The following FER variants were observed in gnomAD, a reference collection of about 807,000 sequenced individuals.
FER encodes the protein FER tyrosine kinase, also known as tyrosine-protein kinase Fer.
In FER, 63 loss-of-function variants were observed where a neutral mutation model predicts 111.0. That is an observed-to-expected ratio of 0.57 (90% CI 0.46 to 0.70). The LOEUF is 0.70. FER is among the 30% of genes least tolerant of loss of function. The pLI, the probability that FER is intolerant of heterozygous loss-of-function variation, is 0.00. For missense variants in FER, 914 were observed against 954.0 expected (o/e 0.96, Z 0.55); for synonymous variants, 327 against 313.9 (o/e 1.04, Z -0.44).
intron 17 of FER, among the ~76,000 whole-genome samples, chr5:109,125,186 A>T (rs1751554036): frequency 6.6e-6 from 1 of 151,928 alleles, no homozygotes; most frequent in African/African-American, 2.4e-5. Flanking sequence ...ATTTAGAATT[A>T]TTATCTGTTT....
chr5:109,040,592 A>G (rs1771027995), intron 14 of FER, among the ~76,000 whole-genome samples: 1 of 152,104 alleles, frequency 6.6e-6, no homozygotes, highest in African/African-American at 2.4e-5. Context: ...GCCAGTTTGG[A>G]ATGGATTTGA....
intron 16 of FER, among the ~76,000 whole-genome samples, chr5:109,061,419 GTTA>G (rs1270482429): frequency 2.6e-5 from 4 of 152,084 alleles, no homozygotes; most frequent in Non-Finnish European, 4.4e-5. Context: ...TCTACTAGAA[GTTA>G]TTATTTCCAT....
intron 16 of FER, among the ~76,000 whole-genome samples, chr5:109,050,280 A>G (rs1772597721): frequency 6.7e-6 from 1 of 150,296 alleles, no homozygotes; most frequent in Admixed American, 6.6e-5. Context: ...ATTTTAGGAG[A>G]AAAAAAAAAG....
chr5:108,911,172 G>A (rs1016520322), intron 10 of FER, among the ~76,000 whole-genome samples: 8 of 152,048 alleles, frequency 5.3e-5, no homozygotes, highest in Non-Finnish European at 1.2e-4. Flanking sequence ...TCTGACTGAC[G>A]TAAAATGATA....
At chr5:108,914,229 CTCTGTGTGTGTG>C (rs1751947205) in intron 10 of FER, among the ~76,000 whole-genome samples, 1 of 137,832 alleles carries the variant, frequency 7.3e-6, no homozygotes, top group Non-Finnish European at 1.6e-5. Context: ...TAACTTGTCT[CTCTGTGTGTGTG>C]TGTGTGTGTG....
intron 13 of FER, among the ~76,000 whole-genome samples, chr5:108,987,933 T>A (rs1762757341): frequency 6.6e-6 from 1 of 151,020 alleles, no homozygotes; most frequent in East Asian, 1.9e-4. Flanking sequence ...TGTGGGTTTG[T>A]CATAGATGGC....
At chr5:108,930,782 T>C (rs1754554019) in intron 10 of FER, among the ~76,000 whole-genome samples, 1 of 150,172 alleles carries the variant, frequency 6.7e-6, no homozygotes, top group African/African-American at 2.5e-5. Context: ...CTCTACTGAT[T>C]TTTGTATTTT....
At chr5:109,179,606 C>T (rs1582413358) in intron 17 of FER, among the ~76,000 whole-genome samples, 1 of 152,126 alleles carries the variant, frequency 6.6e-6, no homozygotes, top group Non-Finnish European at 1.5e-5. Context: ...GTGGATTCAA[C>T]CATCCAGAGA....
At chr5:109,147,044 G>A (rs10066375) in intron 17 of FER, among the ~76,000 whole-genome samples, 61,309 of 151,586 alleles carry the variant, frequency 0.4, 12,660 homozygotes, top group African/African-American at 0.45. Flanking sequence ...TCCATTCATA[G>A]AGATTATAAA....
intron 10 of FER, among the ~76,000 whole-genome samples, chr5:108,922,910 T>C (rs1753219033): frequency 6.6e-6 from 1 of 152,142 alleles, no homozygotes; most frequent in African/African-American, 2.4e-5. Flanking sequence ...AGAAACAGTA[T>C]AGTAGTTAAT....
In FER at chr5:109,195,336, C is replaced by T. The variant is rs1759665607; in HGVS notation, c.*7761C>T. ...CTTCAGTAACAATCAGAAGACCAGT[C>T]CAACAGAAAATAACTTGTCATAATT... On this transcript the variant is annotated 3_prime_UTR_variant, in exon 20 of 20. Coordinates refer to ENST00000281092, the MANE Select transcript of FER (RefSeq NM_005246.4). 6.6e-6 allele frequency: 1 copy of T among 152,158 alleles called. No individual in the cohort carries two copies. The highest frequency in any genetic ancestry group is 2.4e-5 in the African/African-American group (1 of 41,438). 9.4% of individuals were successfully genotyped at this position (152,158 alleles called of 1,614,324 possible).
At chr5:108,894,328 AGAG>A (rs1325623737) in intron 9 of FER, 9 of 923,966 alleles carry the variant, frequency 9.7e-6, no homozygotes, top group Admixed American at 6.5e-5. Flanking sequence ...AGGAAGGGGA[AGAG>A]GAGGAGGAGC....
At chr5:109,039,078 A>G (rs1770786568) in intron 14 of FER, among the ~76,000 whole-genome samples, 1 of 152,064 alleles carries the variant, frequency 6.6e-6, no homozygotes. Context: ...AACATTTTTC[A>G]CTGCCTATTT....
chr5:109,185,249 C>T (rs757667662), intron 18 of FER, among the ~76,000 whole-genome samples: 8 of 152,058 alleles, frequency 5.3e-5, no homozygotes, highest in South Asian at 2.1e-4. Flanking sequence ...AACAGGTGCA[C>T]CTAGGTATTT....
At chr5:108,817,103 C>CAAAAAAAAAAAAAAAAAA (rs70999913) in intron 3 of FER, among the ~76,000 whole-genome samples, 3 of 59,202 alleles carry the variant, frequency 5.1e-5, no homozygotes, top group African/African-American at 6.3e-5. Context: ...GACACTGTCT[C>CAAAAAAAAAAAAAAAAAA]AAAAAAAAAA....
At chr5:109,145,130 T>C (rs928370049) in intron 17 of FER, among the ~76,000 whole-genome samples, 5 of 152,008 alleles carry the variant, frequency 3.3e-5, no homozygotes, top group Admixed American at 2.6e-4. Context: ...AACTCAGCTA[T>C]AGAGAGCTTT....
chr5:109,018,883 A>G (rs1212043669), intron 13 of FER, among the ~76,000 whole-genome samples: 2 of 151,620 alleles, frequency 1.3e-5, no homozygotes. Context: ...AGGGAAATGT[A>G]AAATAGAACA....
chr5:109,196,314 T>TTCC lies in FER; in HGVS notation c.*8740_*8742dup, dbSNP rs1296990510. 3 of 152,228 alleles carry TTCC rather than the reference T, an allele frequency of 2.0e-5. No homozygotes were observed. The highest frequency in any genetic ancestry group is 2.9e-5 in the Non-Finnish European group (2 of 68,042). 9.4% of individuals were successfully genotyped at this position (152,228 alleles called of 1,614,324 possible). The stretch of plus-strand genomic sequence containing the variant: ...CCCTCAGGCACTTCTGGTAAAGACA[T>TTCC]TCCACCTGCAAGCAGCATTTTGAGT... On this transcript the variant is annotated 3_prime_UTR_variant, in exon 20 of 20. Coordinates refer to ENST00000281092, the MANE Select transcript of FER (RefSeq NM_005246.4).
At chr5:109,017,324 GTTA>G (rs1309454985) in intron 13 of FER, among the ~76,000 whole-genome samples, 1 of 151,912 alleles carries the variant, frequency 6.6e-6, no homozygotes, top group East Asian at 1.9e-4. Flanking sequence ...AGACAAGATA[GTTA>G]TTATAGAATT....
Sources: gnomAD v4.1 joint callset for allele counts (sites outside exome capture counted in the v4.1 genomes callset) on GRCh38, gnomAD v4.1.1 for gene constraint, MANE v1.5 for transcripts, NCBI Gene and HGNC (gene_info 2026-07-23, HGNC 2026-07-21) for gene names.